ABCB1: variants seen among roughly 807,000 people sequenced by gnomAD.
ABCB1 encodes ATP-dependent translocase ABCB1.
ABCB1 carries 69 observed loss-of-function variants against 142.0 expected under a neutral mutation model. The ratio of observed to expected loss-of-function variants is 0.49; its 90% CI spans 0.40 to 0.59. The LOEUF (loss-of-function observed/expected upper bound fraction) is 0.59, where lower values mean the gene tolerates loss of function less well. Among genes scored for constraint, ABCB1 ranks in the 20% least tolerant of loss-of-function variants. The pLI is 0.00. For missense variants in ABCB1, 1,326 were observed against 1,554.7 expected (o/e 0.85, Z 2.47); for synonymous variants, 532 against 539.2 (o/e 0.99, Z 0.18).
intron 1 of ABCB1, among the ~76,000 whole-genome samples, chr7:87,623,944 TACTC>T (rs1175840965): frequency 6.6e-6 from 1 of 152,220 alleles, no homozygotes; most frequent in African/African-American, 2.4e-5. Flanking sequence ...GATTGTGTGA[TACTC>T]ACTTCCCACT....
chr7:87,681,415 C>T (rs1826915526), intron 1 of ABCB1, among the ~76,000 whole-genome samples: 1 of 150,472 alleles, frequency 6.6e-6, no homozygotes, highest in African/African-American at 2.5e-5. Flanking sequence ...TTGTTCAGTT[C>T]AAGACTAATT....
chr7:87,521,775 G>GA (rs1376011836), intron 21 of ABCB1: 1 of 808,214 alleles, frequency 1.2e-6, no homozygotes, highest in African/African-American at 1.7e-5. Flanking sequence ...ACCCAACTGT[G>GA]AAAAAGATAT....
chr7:87,679,399 T>A lies in ABCB1; in HGVS notation c.-331+33762A>T, dbSNP rs531197486. Among the ~76,000 whole-genome samples, 53 of 148,854 alleles carry A rather than the reference T, an allele frequency of 3.6e-4. 4 individuals are homozygous for A. The highest frequency in any genetic ancestry group is 6.2e-4 in the Non-Finnish European group (42 of 67,494). On this transcript the variant is annotated intron_variant, in intron 1 of 28. Coordinates refer to the ABCB1 transcript ENST00000265724. ...TGAGCCACCGTGCCCGGCCCCCAAC[T>A]TTTTTTTAAGACAGGATCTCACCCT...
chr7:87,534,945 AT>A (rs77385476), intron 20 of ABCB1, among the ~76,000 whole-genome samples: 4 of 137,054 alleles, frequency 2.9e-5, no homozygotes, highest in Non-Finnish European at 6.2e-5. Context: ...AAAAAACTCC[AT>A]TTTTTTTTCC....
chr7:87,661,202 A>G (rs1824674138), intron 1 of ABCB1, among the ~76,000 whole-genome samples: 1 of 151,976 alleles, frequency 6.6e-6, no homozygotes, highest in African/African-American at 2.4e-5. Context: ...ATGTGTAATA[A>G]TCACATCAGC....
At chr7:87,574,187 A>G (rs1818180585) in intron 4 of ABCB1, among the ~76,000 whole-genome samples, 2 of 152,176 alleles carry the variant, frequency 1.3e-5, no homozygotes, top group African/African-American at 4.8e-5. Context: ...AGCTTCCAAG[A>G]ATCTCCTTGG....
intron 8 of ABCB1, among the ~76,000 whole-genome samples, chr7:87,560,980 T>C (rs1469956186): frequency 6.6e-6 from 1 of 152,196 alleles, no homozygotes; most frequent in Non-Finnish European, 1.5e-5. Flanking sequence ...ACTAATTAAC[T>C]TGATAGAGGA....
intron 1 of ABCB1, among the ~76,000 whole-genome samples, chr7:87,674,341 C>T (rs1447494225): frequency 6.6e-6 from 1 of 152,084 alleles, no homozygotes; most frequent in East Asian, 1.9e-4. Flanking sequence ...TTGCTGCTAT[C>T]ATGGCAGGAG....
intron 1 of ABCB1, among the ~76,000 whole-genome samples, chr7:87,650,427 G>A (rs1823459710): frequency 6.6e-6 from 1 of 152,138 alleles, no homozygotes; most frequent in Non-Finnish European, 1.5e-5. Context: ...CACCTTCTGT[G>A]TGTCTTTACA....
chr7:87,519,072 A>AT (rs1815372268), intron 23 of ABCB1: 3 of 539,166 alleles, frequency 5.6e-6, no homozygotes, highest in Non-Finnish European at 6.6e-6. Context: ...TCCGAATGGA[A>AT]TCACTCCACT....
Position 87,550,867 on chromosome 7 carries a change from C to T in ABCB1, c.1000-29G>A, listed in dbSNP as rs766402999. ...AGGAATGTGAAGAAAAACCATCAGG[C>T]TACTGAGATAGTGACAGCAATTTTT... On this transcript the variant is annotated intron_variant, in intron 9 of 27. Coordinates refer to ENST00000622132, the MANE Select transcript of ABCB1 (RefSeq NM_001348946.2). 1 of 1,430,342 alleles carries T rather than the reference C, an allele frequency of 7.0e-7. No individual in the cohort carries two copies. The highest frequency in any genetic ancestry group is 1.7e-5 in the Admixed American group (1 of 59,796). The allele number at this position is 1,430,342 out of a possible 1,614,324, so 88.6% of individuals were successfully genotyped here.
intron 1 of ABCB1, among the ~76,000 whole-genome samples, chr7:87,636,563 G>A (rs1211894423): frequency 6.6e-6 from 1 of 152,138 alleles, no homozygotes; most frequent in African/African-American, 2.4e-5. Flanking sequence ...ATTTCTGATT[G>A]TAAAATGGCC....
chr7:87,628,177 G>A (rs1820792033), intron 1 of ABCB1, among the ~76,000 whole-genome samples: 1 of 152,178 alleles, frequency 6.6e-6, no homozygotes, highest in Non-Finnish European at 1.5e-5. Flanking sequence ...CAATCCCCGC[G>A]GCTAGCCTGT....
intron 1 of ABCB1, among the ~76,000 whole-genome samples, chr7:87,649,206 A>G (rs1823327912): frequency 1.3e-5 from 2 of 152,148 alleles, no homozygotes; most frequent in South Asian, 2.1e-4. Flanking sequence ...GATAGTGGTT[A>G]TATGAATCTA....
chr7:87,645,249 A>T (rs377026812), intron 1 of ABCB1, among the ~76,000 whole-genome samples: 2 of 151,848 alleles, frequency 1.3e-5, no homozygotes, highest in Non-Finnish European at 2.9e-5. Context: ...CAACCAGCTA[A>T]TTTTTTGTAT....
chr7:87,534,500 C>G (rs1404326370), intron 20 of ABCB1, among the ~76,000 whole-genome samples: 2 of 152,146 alleles, frequency 1.3e-5, no homozygotes, highest in African/African-American at 4.8e-5. Flanking sequence ...GTGCAAATTT[C>G]AGCCTTCTTG....
At chr7:87,587,501 G>T (rs17327624) in intron 3 of ABCB1, among the ~76,000 whole-genome samples, 28,677 of 152,122 alleles carry the variant, frequency 0.19, 2,839 homozygotes, top group Admixed American at 0.26. Flanking sequence ...ACACAAAACT[G>T]AGTCAATCAT....
intron 1 of ABCB1, chr7:87,694,110 T>C: frequency 7.0e-7 from 1 of 1,426,528 alleles, no homozygotes; most frequent in Non-Finnish European, 9.3e-7. Context: ...GTTTTTTTTT[T>C]TTAATCCAGA....
intron 1 of ABCB1, among the ~76,000 whole-genome samples, chr7:87,626,077 CATATATATAT>C (rs372003612): frequency 2.4e-5 from 2 of 84,320 alleles, no homozygotes; most frequent in Non-Finnish European, 4.4e-5. Flanking sequence ...CAGGCTGAGA[CATATATATAT>C]ATATATATAT....
Sources: gnomAD v4.1 joint callset for allele counts (sites outside exome capture counted in the v4.1 genomes callset) on GRCh38, gnomAD v4.1.1 for gene constraint, MANE v1.5 for transcripts, NCBI Gene and HGNC (gene_info 2026-07-23, HGNC 2026-07-21) for gene names.